Variants in GALNTL6 observed in about 807,000 individuals in gnomAD.
The protein encoded by GALNTL6 is polypeptide N-acetylgalactosaminyltransferase like 6.
A neutral mutation model predicts 73.7 loss-of-function variants in GALNTL6; 46 were observed. That is an observed-to-expected ratio of 0.62 (90% CI 0.49 to 0.80). The LOEUF is 0.80. GALNTL6 is among the 30% of genes least tolerant of loss of function. The pLI is 0.00. For synonymous variants in GALNTL6, 259 were observed against 263.7 expected (o/e 0.98, Z 0.17); for missense variants, 604 against 755.0 (o/e 0.80, Z 2.34).
chr4:172,233,065 C>G (rs1325182312), intron 3 of GALNTL6, among the ~76,000 whole-genome samples: 4 of 152,076 alleles, frequency 2.6e-5, no homozygotes. Flanking sequence ...TCTACATTGT[C>G]TTTTAAAAAC....
intron 3 of GALNTL6, among the ~76,000 whole-genome samples, chr4:172,309,788 TA>T (rs1256066767): frequency 6.6e-6 from 1 of 151,996 alleles, no homozygotes; most frequent in African/African-American, 2.4e-5. Context: ...AGTATAAAAA[TA>T]AATAACTTTA....
Position 172,521,421 on chromosome 4 carries a change from A to T in GALNTL6, c.553+172732A>T, listed in dbSNP as rs78254966. Among the ~76,000 whole-genome samples the T allele has an allele frequency of 7.4e-3, 1,133 of 152,288 alleles. 17 individuals are homozygous for T. Among genetic ancestry groups the T allele is most frequent in the African/African-American group, 0.026 (1,064 of 41,570 alleles). The stretch of plus-strand genomic sequence containing the variant: ...CCATAATTTTTAGCACCTCATCATA[A>T]AGGCAAATCCAGAACTATGATCTAA... On this transcript the variant is annotated intron_variant, in intron 5 of 12. Coordinates refer to ENST00000506823, the MANE Select transcript of GALNTL6 (RefSeq NM_001034845.3).
chr4:172,286,740 G>T (rs1739270501), intron 3 of GALNTL6, among the ~76,000 whole-genome samples: 1 of 152,160 alleles, frequency 6.6e-6, no homozygotes, highest in Non-Finnish European at 1.5e-5. Context: ...GTTCTGGAAG[G>T]CCACTGAAGA....
At chr4:172,333,459 C>A (rs1013816258) in intron 4 of GALNTL6, among the ~76,000 whole-genome samples, 2 of 152,172 alleles carry the variant, frequency 1.3e-5, no homozygotes, top group East Asian at 3.9e-4. Flanking sequence ...ACATTGATGT[C>A]CTTTGCCCAC....
At chr4:172,694,886 G>A (rs929497430) in intron 5 of GALNTL6, among the ~76,000 whole-genome samples, 6 of 152,076 alleles carry the variant, frequency 3.9e-5, no homozygotes, top group Non-Finnish European at 8.8e-5. Flanking sequence ...ATCTTTCTTT[G>A]ATGATTCCAG....
intron 2 of GALNTL6, among the ~76,000 whole-genome samples, chr4:171,897,458 A>G (rs1415239832): frequency 2.0e-5 from 3 of 152,200 alleles, no homozygotes; most frequent in African/African-American, 7.2e-5. Context: ...CACACAACAG[A>G]GGGAAAGAAA....
At chr4:172,740,790 TGTA>T (rs1232926432) in intron 5 of GALNTL6, among the ~76,000 whole-genome samples, 1 of 152,136 alleles carries the variant, frequency 6.6e-6, no homozygotes, top group Non-Finnish European at 1.5e-5. Context: ...TGTGTGTAGG[TGTA>T]AGACTGTGAT....
chr4:172,705,314 T>A (rs1263132863), intron 5 of GALNTL6, among the ~76,000 whole-genome samples: 3 of 151,860 alleles, frequency 2.0e-5, no homozygotes, highest in African/African-American at 7.2e-5. Context: ...TTCAATTTCT[T>A]GCGTTTGCTT....
chr4:171,858,358 A>G (rs1301550541), intron 2 of GALNTL6, among the ~76,000 whole-genome samples: 2 of 152,096 alleles, frequency 1.3e-5, no homozygotes, highest in African/African-American at 4.8e-5. Context: ...TCATTTTTCT[A>G]TTAACAGATT....
chr4:172,502,090 C>T (rs1734282070), intron 5 of GALNTL6, among the ~76,000 whole-genome samples: 1 of 152,130 alleles, frequency 6.6e-6, no homozygotes, highest in South Asian at 2.1e-4. Flanking sequence ...AACACCTTGT[C>T]AACAAATCGC....
At chr4:172,043,833 AG>A in intron 2 of GALNTL6, among the ~76,000 whole-genome samples, 1 of 152,204 alleles carries the variant, frequency 6.6e-6, no homozygotes, top group Non-Finnish European at 1.5e-5. Flanking sequence ...GATTACAAGC[AG>A]GCCCTTATTT....
intron 5 of GALNTL6, among the ~76,000 whole-genome samples, chr4:172,447,670 A>G (rs1732073530): frequency 6.6e-6 from 1 of 152,200 alleles, no homozygotes; most frequent in Non-Finnish European, 1.5e-5. Context: ...AAATGGCCCT[A>G]TACATCGTAC....
At chr4:172,391,656 T>A (rs545393274) in intron 5 of GALNTL6, among the ~76,000 whole-genome samples, 1 of 151,816 alleles carries the variant, frequency 6.6e-6, no homozygotes, top group East Asian at 2.0e-4. Flanking sequence ...ATTCTAACCA[T>A]AGCAGCAACT....
At chr4:172,097,784 A>G (rs1469116516) in intron 2 of GALNTL6, among the ~76,000 whole-genome samples, 1 of 152,162 alleles carries the variant, frequency 6.6e-6, no homozygotes, top group Non-Finnish European at 1.5e-5. Flanking sequence ...TTGCTCTATA[A>G]CTGGTCAAAT....
At chr4:172,232,137 C>CA (rs11451558) in intron 3 of GALNTL6, among the ~76,000 whole-genome samples, 58,144 of 151,842 alleles carry the variant, frequency 0.38, 11,302 homozygotes, top group Non-Finnish European at 0.41. Flanking sequence ...GGTACAGAGT[C>CA]AAAATCAAAT....
chr4:172,778,420 A>G (rs1739188265), intron 5 of GALNTL6, among the ~76,000 whole-genome samples: 2 of 152,238 alleles, frequency 1.3e-5, no homozygotes, highest in South Asian at 4.1e-4. Flanking sequence ...AATAAGCCAC[A>G]TGTAGGCACA....
intron 2 of GALNTL6, among the ~76,000 whole-genome samples, chr4:172,179,214 C>A (rs1219968565): frequency 6.6e-6 from 1 of 150,856 alleles, no homozygotes; most frequent in African/African-American, 2.5e-5. Context: ...AGTTCTAGAT[C>A]CCTGAGGAAT....
chr4:172,028,434 T>C (rs1004123925), intron 2 of GALNTL6, among the ~76,000 whole-genome samples: 1 of 152,022 alleles, frequency 6.6e-6, no homozygotes, highest in African/African-American at 2.4e-5. Flanking sequence ...TAAATGCTAA[T>C]AAAAACATTT....
In GALNTL6 at chr4:172,765,106, A is replaced by G. The variant is rs529272693; in HGVS notation, c.554-44255A>G. 1.4e-3 allele frequency among the ~76,000 whole-genome samples: 210 copies of G among 152,310 alleles called. 1 individual carries two copies. The highest frequency in any genetic ancestry group is 1.7e-3 in the Non-Finnish European group (119 of 68,022). ...TGTGGAAACAGCAACTGAGTTTTCA[A>G]CTGTATATCACAGAGTGGTCAACGG... is the stretch of plus-strand genomic sequence containing the variant. On this transcript the variant is annotated intron_variant, in intron 5 of 12. Coordinates refer to ENST00000506823, the MANE Select transcript of GALNTL6 (RefSeq NM_001034845.3).
Sources: gnomAD v4.1 joint callset for allele counts (sites outside exome capture counted in the v4.1 genomes callset) on GRCh38, gnomAD v4.1.1 for gene constraint, MANE v1.5 for transcripts, NCBI Gene and HGNC (gene_info 2026-07-23, HGNC 2026-07-21) for gene names.